Variants in OPCML observed in about 807,000 individuals in gnomAD.
OPCML encodes the protein opioid-binding protein/cell adhesion molecule.
Under a neutral mutation model 37.8 loss-of-function variants are expected in OPCML, and 13 were observed. The observed-to-expected ratio is 0.34, with a 90% CI of 0.22 to 0.55. OPCML has a LOEUF of 0.55. OPCML is among the 20% of genes least tolerant of loss of function. OPCML has a pLI of 0.91. For missense variants in OPCML, 341 were observed against 435.6 expected (o/e 0.78, Z 1.93); for synonymous variants, 176 against 168.8 (o/e 1.04, Z -0.33).
intron 1 of OPCML, among the ~76,000 whole-genome samples, chr11:132,953,650 A>G (rs11223291): frequency 0.11 from 16,799 of 152,164 alleles, 1,135 homozygotes; most frequent in Admixed American, 0.19. Context: ...TCACTATAGT[A>G]TCTAACAGAA....
intron 2 of OPCML, among the ~76,000 whole-genome samples, chr11:132,715,998 C>A (rs753992256): frequency 6.6e-6 from 1 of 152,170 alleles, no homozygotes; most frequent in African/African-American, 2.4e-5. Flanking sequence ...AAAAAAAATT[C>A]GGTGCCAATT....
intron 1 of OPCML, among the ~76,000 whole-genome samples, chr11:132,986,005 G>A (rs1946676819): frequency 1.3e-5 from 2 of 152,102 alleles, no homozygotes; most frequent in Admixed American, 1.3e-4. Context: ...TCAGCCTGTT[G>A]AAATGTGCTT....
chr11:133,468,110 G>C (rs1176746376), intron 1 of OPCML, among the ~76,000 whole-genome samples: 2 of 152,182 alleles, frequency 1.3e-5, no homozygotes, highest in African/African-American at 4.8e-5. Flanking sequence ...GTTGTGGTTT[G>C]AAATGAAGTA....
chr11:132,756,663 C>T (rs565014395), intron 2 of OPCML, among the ~76,000 whole-genome samples: 4 of 152,176 alleles, frequency 2.6e-5, no homozygotes, highest in East Asian at 3.9e-4. Flanking sequence ...ACTATACCTC[C>T]GAAATGAGGC....
chr11:133,514,559 C>T (rs140775904), intron 1 of OPCML, among the ~76,000 whole-genome samples: 209 of 152,232 alleles, frequency 1.4e-3, no homozygotes, highest in Middle Eastern at 6.8e-3. Flanking sequence ...TTAGAAGTAA[C>T]CTAAAGACTA....
intron 3 of OPCML, among the ~76,000 whole-genome samples, chr11:132,575,683 A>G (rs1326965918): frequency 6.6e-6 from 1 of 152,068 alleles, no homozygotes; most frequent in East Asian, 1.9e-4. Context: ...TTACAGTAAT[A>G]CAGTATTCTG....
At chr11:133,494,422 G>A (rs568924483) in intron 1 of OPCML, among the ~76,000 whole-genome samples, 94 of 151,846 alleles carry the variant, frequency 6.2e-4, no homozygotes, top group African/African-American at 2.1e-3. Flanking sequence ...ACAAGCACAC[G>A]TATGTTTATT....
intron 1 of OPCML, among the ~76,000 whole-genome samples, chr11:133,307,110 T>TTTCCTC: frequency 6.6e-6 from 1 of 152,062 alleles, no homozygotes; most frequent in Non-Finnish European, 1.5e-5. Context: ...CTCCCCTCCT[T>TTTCCTC]CCCTCATGGA....
intron 1 of OPCML, among the ~76,000 whole-genome samples, chr11:133,093,738 G>C (rs1381084566): frequency 1.3e-5 from 2 of 151,832 alleles, no homozygotes. Flanking sequence ...AATATAGACT[G>C]TGTAGGTTCT....
intron 2 of OPCML, among the ~76,000 whole-genome samples, chr11:132,837,632 C>T (rs545307467): frequency 2.6e-5 from 4 of 152,246 alleles, no homozygotes; most frequent in South Asian, 2.1e-4. Context: ...CAAAGGTGTG[C>T]AGGGGACAGG....
intron 1 of OPCML, among the ~76,000 whole-genome samples, chr11:133,247,540 T>TCCTTTC (rs1940971236): frequency 8.2e-6 from 1 of 122,408 alleles, no homozygotes; most frequent in Non-Finnish European, 1.6e-5. Context: ...CTTTCCTTCT[T>TCCTTTC]TTTCTTTCTT....
At chr11:133,453,332 T>C (rs1223492159) in intron 1 of OPCML, among the ~76,000 whole-genome samples, 3 of 152,206 alleles carry the variant, frequency 2.0e-5, no homozygotes, top group Non-Finnish European at 4.4e-5. Context: ...TCTAATGTAC[T>C]ATAATCATAG....
intron 1 of OPCML, among the ~76,000 whole-genome samples, chr11:133,209,490 A>C (rs1421414633): frequency 6.6e-6 from 1 of 152,228 alleles, no homozygotes; most frequent in Non-Finnish European, 1.5e-5. Flanking sequence ...AATACTACCC[A>C]TTTGAGTTTG....
chr11:132,568,042 G>GCA (rs1491194793), intron 3 of OPCML, among the ~76,000 whole-genome samples: 2 of 115,618 alleles, frequency 1.7e-5, no homozygotes, highest in African/African-American at 3.0e-5. Flanking sequence ...GTGTGTGTGT[G>GCA]CGCGCGCGCG....
Position 132,600,370 on chromosome 11 carries a change from C to T in OPCML, c.379+56717G>A, listed in dbSNP as rs139611309. Among the ~76,000 whole-genome samples the T allele has an allele frequency of 7.7e-3, 1,166 of 152,280 alleles. 7 individuals carry two copies. Among genetic ancestry groups the T allele is most frequent in the Middle Eastern group, 0.014 (4 of 294 alleles). ...GACAACACTCTGGAAATAGTCTTCA[C>T]GTAGGCCTAAATACGAAGGGACCAA... is the stretch of plus-strand genomic sequence containing the variant. On this transcript the variant is annotated intron_variant, in intron 3 of 7. Coordinates refer to ENST00000524381, the MANE Select transcript of OPCML (RefSeq NM_001012393.5).
At chr11:133,168,686 C>T (rs757264229) in intron 1 of OPCML, among the ~76,000 whole-genome samples, 2 of 152,216 alleles carry the variant, frequency 1.3e-5, no homozygotes, top group Non-Finnish European at 2.9e-5. Context: ...ATGGATCTTC[C>T]AAATGTAAAG....
chr11:133,468,349 G>T (rs1350739439), intron 1 of OPCML, among the ~76,000 whole-genome samples: 1 of 152,192 alleles, frequency 6.6e-6, no homozygotes, highest in Non-Finnish European at 1.5e-5. Context: ...AGGCAGCGGA[G>T]ACAGATGCTG....
At chr11:133,415,606 C>T (rs1945743647) in intron 1 of OPCML, among the ~76,000 whole-genome samples, 1 of 152,138 alleles carries the variant, frequency 6.6e-6, no homozygotes, top group South Asian at 2.1e-4. Context: ...ACAATGGCCT[C>T]TCAGAGGCAT....
intron 2 of OPCML, among the ~76,000 whole-genome samples, chr11:132,909,178 T>TATC (rs1944343020): frequency 6.6e-6 from 1 of 152,174 alleles, no homozygotes; most frequent in Non-Finnish European, 1.5e-5. Flanking sequence ...CAGGGCTGTC[T>TATC]ATCTGAGTGG....
Sources: gnomAD v4.1 joint callset for allele counts (sites outside exome capture counted in the v4.1 genomes callset) on GRCh38, gnomAD v4.1.1 for gene constraint, MANE v1.5 for transcripts, NCBI Gene and HGNC (gene_info 2026-07-23, HGNC 2026-07-21) for gene names.